The following HMGA2 variants were observed in gnomAD, a reference collection of about 807,000 sequenced individuals.
The protein encoded by HMGA2 is high mobility group protein HMGI-C.
A neutral mutation model predicts 19.1 loss-of-function variants in HMGA2; 8 were observed. The ratio of observed to expected loss-of-function variants is 0.42; its 90% CI spans 0.25 to 0.76. The LOEUF is 0.76. HMGA2 is among the 30% of genes least tolerant of loss of function. The pLI is 0.28. For synonymous variants in HMGA2, 60 were observed against 48.8 expected (o/e 1.23, Z -0.96); for missense variants, 109 against 136.3 (o/e 0.80, Z 1.00).
intron 3 of HMGA2, among the ~76,000 whole-genome samples, chr12:65,890,014 C>T (rs1018156429): frequency 2.6e-5 from 4 of 152,172 alleles, no homozygotes; most frequent in African/African-American, 4.8e-5. Flanking sequence ...ATAATTGCTA[C>T]AAAATGGTCC....
At chr12:65,937,084 T>C (rs1051704529) in intron 3 of HMGA2, among the ~76,000 whole-genome samples, 11 of 152,150 alleles carry the variant, frequency 7.2e-5, no homozygotes, top group African/African-American at 2.4e-4. Flanking sequence ...GCAACTACAA[T>C]CAAAGATAGC....
intron 3 of HMGA2, among the ~76,000 whole-genome samples, chr12:65,902,320 T>C (rs1226022007): frequency 6.6e-6 from 1 of 152,186 alleles, no homozygotes; most frequent in East Asian, 1.9e-4. Flanking sequence ...TGCTACATTC[T>C]ATACCAGGCA....
At chr12:65,909,188 C>G (rs1874734419) in intron 3 of HMGA2, among the ~76,000 whole-genome samples, 1 of 152,116 alleles carries the variant, frequency 6.6e-6, no homozygotes, top group Non-Finnish European at 1.5e-5. Context: ...GTATGTAAGT[C>G]CCATACCTGG....
intron 3 of HMGA2, among the ~76,000 whole-genome samples, chr12:65,890,845 T>A (rs1228009597): frequency 2.0e-5 from 3 of 151,862 alleles, no homozygotes; most frequent in Non-Finnish European, 4.4e-5. Context: ...TGCCTCAGCC[T>A]CCTGAGTAGC....
chr12:65,878,669 A>T (rs1873185688), intron 3 of HMGA2, among the ~76,000 whole-genome samples: 1 of 152,164 alleles, frequency 6.6e-6, no homozygotes, highest in South Asian at 2.1e-4. Flanking sequence ...CCCAACTTGG[A>T]ATCTACTCTG....
At chr12:65,928,427 A>C (rs924393952) in intron 3 of HMGA2, among the ~76,000 whole-genome samples, 1 of 152,236 alleles carries the variant, frequency 6.6e-6, no homozygotes, top group African/African-American at 2.4e-5. Context: ...ATTACTGTAC[A>C]CTATGCAGAC....
At chr12:65,826,570 C>T (rs1199669068) in intron 1 of HMGA2, 1 of 152,098 alleles carries the variant, frequency 6.6e-6, no homozygotes, top group African/African-American at 2.4e-5. Flanking sequence ...TGTTTGCTTG[C>T]CAGTGCATTT....
chr12:65,890,320 T>C (rs1331861452), intron 3 of HMGA2, among the ~76,000 whole-genome samples: 21 of 152,206 alleles, frequency 1.4e-4, no homozygotes, highest in Admixed American at 1.3e-3. Context: ...ACCTGAGGCA[T>C]ATTCCTCAAC....
intron 3 of HMGA2, chr12:65,858,495 A>C (rs1012192684): frequency 1.3e-5 from 2 of 152,206 alleles, no homozygotes; most frequent in Non-Finnish European, 2.9e-5. Context: ...ATCCTGTGAT[A>C]ATTTTTCTTT....
intron 3 of HMGA2, among the ~76,000 whole-genome samples, chr12:65,883,218 A>G (rs909543529): frequency 3.3e-5 from 5 of 152,262 alleles, no homozygotes; most frequent in African/African-American, 4.8e-5. Context: ...ACATTTGTGG[A>G]AAATGTTAAT....
At chr12:65,921,437 C>T (rs1875305834) in intron 3 of HMGA2, among the ~76,000 whole-genome samples, 1 of 151,960 alleles carries the variant, frequency 6.6e-6, no homozygotes, top group Non-Finnish European at 1.5e-5. Flanking sequence ...TTAGTAGAGA[C>T]GGGGTTTCAC....
At chr12:65,839,868 A>T (rs1345887241) in intron 3 of HMGA2, among the ~76,000 whole-genome samples, 1 of 152,138 alleles carries the variant, frequency 6.6e-6, no homozygotes, top group African/African-American at 2.4e-5. Context: ...AAATTGTTCC[A>T]TCTGACTACC....
At chr12:65,879,201 C>T (rs941975885) in intron 3 of HMGA2, among the ~76,000 whole-genome samples, 3 of 152,198 alleles carry the variant, frequency 2.0e-5, no homozygotes, top group Non-Finnish European at 4.4e-5. Context: ...GATCACGGCT[C>T]ACTGCTGCCT....
At chr12:65,882,289 C>T (rs575055508) in intron 3 of HMGA2, 26 of 237,926 alleles carry the variant, frequency 1.1e-4, no homozygotes, top group Middle Eastern at 1.7e-3. Context: ...GAGGAAGCCT[C>T]GGCTGTGCTC....
intron 3 of HMGA2, chr12:65,867,615 A>C (rs898749468): frequency 2.8e-6 from 1 of 355,524 alleles, no homozygotes; most frequent in African/African-American, 2.1e-5. Context: ...TGCCAAGTTC[A>C]AGTTGTGTAA....
At chr12:65,855,893 T>A (rs1871717516) in intron 3 of HMGA2, 1 of 152,086 alleles carries the variant, frequency 6.6e-6, no homozygotes, top group African/African-American at 2.4e-5. Flanking sequence ...TTTTTCTTTT[T>A]TTTTTTTTGG....
intron 3 of HMGA2, chr12:65,860,040 C>T (rs766018181): frequency 1.5e-5 from 7 of 452,774 alleles, no homozygotes; most frequent in South Asian, 1.1e-4. Context: ...TTCAGTGAGC[C>T]ATGACTGTGC....
intron 3 of HMGA2, among the ~76,000 whole-genome samples, chr12:65,849,694 G>A (rs905739357): frequency 2.0e-5 from 3 of 148,738 alleles, no homozygotes; most frequent in African/African-American, 7.6e-5. Flanking sequence ...AATGAGAGTG[G>A]TCATCTCCAG....
intron 3 of HMGA2, among the ~76,000 whole-genome samples, chr12:65,912,580 C>T (rs1874892603): frequency 6.6e-6 from 1 of 152,122 alleles, no homozygotes; most frequent in African/African-American, 2.4e-5. Context: ...GCTGAATTAT[C>T]AGTTTTATTT....
Sources: gnomAD v4.1 joint callset for allele counts (sites outside exome capture counted in the v4.1 genomes callset) on GRCh38, gnomAD v4.1.1 for gene constraint, MANE v1.5 for transcripts, NCBI Gene and HGNC (gene_info 2026-07-23, HGNC 2026-07-21) for gene names.